The following ABCD3 variants were observed in gnomAD, a reference collection of about 807,000 sequenced individuals.
The protein encoded by ABCD3 is ATP-binding cassette sub-family D member 3.
In ABCD3, 41 loss-of-function variants were observed where a neutral mutation model predicts 105.5. That is an observed-to-expected ratio of 0.39 (90% CI 0.30 to 0.50). The LOEUF is 0.50. Among genes scored for constraint, ABCD3 ranks in the 20% least tolerant of loss-of-function variants. ABCD3 has a pLI of 0.84. For missense variants in ABCD3, 622 were observed against 806.3 expected (o/e 0.77, Z 2.77); for synonymous variants, 258 against 269.0 (o/e 0.96, Z 0.40).
chr1:94,428,445 T>TATA (rs1659552493), intron 1 of ABCD3, among the ~76,000 whole-genome samples: 1 of 152,228 alleles, frequency 6.6e-6, no homozygotes, highest in African/African-American at 2.4e-5. Flanking sequence ...ACATGTTATG[T>TATA]TTATAATGTA....
At chr1:94,448,265 C>T (rs1660434149) in intron 1 of ABCD3, among the ~76,000 whole-genome samples, 1 of 152,180 alleles carries the variant, frequency 6.6e-6, no homozygotes, top group Admixed American at 6.5e-5. Context: ...TGTTGTCTCT[C>T]TCATGAAGGC....
chr1:94,396,794 G>T, the ABCD3 span, among the ~76,000 whole-genome samples: 19 of 152,090 alleles, frequency 1.2e-4, no homozygotes, highest in African/African-American at 4.1e-4. Flanking sequence ...GGAATGAAAT[G>T]GTTCCCTGGC....
intron 20 of ABCD3, among the ~76,000 whole-genome samples, chr1:94,505,459 C>A (rs1650308496): frequency 6.6e-6 from 1 of 150,856 alleles, no homozygotes; most frequent in African/African-American, 2.4e-5. Flanking sequence ...GCAATGGCTC[C>A]TGCAACAACC....
intron 16 of ABCD3, among the ~76,000 whole-genome samples, chr1:94,492,098 A>T (rs1378469939): frequency 6.6e-6 from 1 of 152,134 alleles, no homozygotes; most frequent in Non-Finnish European, 1.5e-5. Context: ...TGCAAAACTG[A>T]ATTTAAAATT....
intron 1 of ABCD3, among the ~76,000 whole-genome samples, chr1:94,450,825 C>CT (rs1647218702): frequency 6.6e-6 from 1 of 152,140 alleles, no homozygotes; most frequent in Admixed American, 6.5e-5. Context: ...AAGTTATTCT[C>CT]TTTTTTCTTT....
chr1:94,455,217 T>C (rs1187772185), intron 1 of ABCD3, among the ~76,000 whole-genome samples: 1 of 152,224 alleles, frequency 6.6e-6, no homozygotes, highest in Non-Finnish European at 1.5e-5. Context: ...TGAATTGTTT[T>C]GCCATTAAAA....
At chr1:94,389,672 C>T in the ABCD3 span, among the ~76,000 whole-genome samples, 1 of 152,186 alleles carries the variant, frequency 6.6e-6, no homozygotes, top group East Asian at 1.9e-4. Flanking sequence ...CCTGATTTCC[C>T]ACTCCACATG....
chr1:94,478,619 G>A lies in ABCD3; in HGVS notation c.684+304G>A, dbSNP rs1051604112. 8.8e-6 allele frequency: 10 copies of A among 1,139,870 alleles called. No individual in the cohort carries two copies. The African/African-American group carries it at 9.3e-5, about 11-fold the overall frequency. The allele number at this position is 1,139,870 out of a possible 1,614,324, so 70.6% of individuals were successfully genotyped here. A position where few individuals can be genotyped will look rare whatever the true frequency, so the allele number is the denominator to read the frequency against. ...TAATCCCAGCACTTTGGGAGGCTGA[G>A]ATGGGAGGATCGCTTGAATCCAGGA... On this transcript the variant is annotated intron_variant, in intron 8 of 22. Transcript: ENST00000370214.
At chr1:94,390,086 A>G in the ABCD3 span, among the ~76,000 whole-genome samples, 4 of 152,244 alleles carry the variant, frequency 2.6e-5, no homozygotes, top group East Asian at 7.7e-4. Flanking sequence ...GAGCAAACTC[A>G]CCAGATCAAT....
intron 16 of ABCD3, among the ~76,000 whole-genome samples, chr1:94,494,091 T>C (rs1227507255): frequency 6.6e-6 from 1 of 152,036 alleles, no homozygotes; most frequent in Non-Finnish European, 1.5e-5. Flanking sequence ...ACTTAAAGTA[T>C]AATAATAATA....
chr1:94,484,123 T>C (rs1188564696), intron 10 of ABCD3, among the ~76,000 whole-genome samples: 1 of 152,186 alleles, frequency 6.6e-6, no homozygotes, highest in African/African-American at 2.4e-5. Flanking sequence ...TGGCGATCAT[T>C]GAAAAGTCAG....
intron 7 of ABCD3, 37 bp downstream of exon 7, chr1:94,475,774 A>AT (rs1420730945): frequency 6.5e-7 from 1 of 1,544,510 alleles, no homozygotes; most frequent in Admixed American, 1.7e-5. Flanking sequence ...TATTTGTTTA[A>AT]TTTTTTGAAT....
Position 94,458,604 on chromosome 1 carries a change from C to A in ABCD3, c.111-3C>A. ...GCTCTCTCTCTCTTTTTTTCCTCTG[C>A]AGTAAGAAAAGTGGAAAACCACCAT... On this transcript the variant is annotated splice_polypyrimidine_tract_variant and splice_region_variant and intron_variant, in intron 1 of 22. Transcript: ENST00000370214. 6.2e-7 allele frequency: 1 copy of A among 1,611,452 alleles called. No homozygotes were observed. The highest frequency in any genetic ancestry group is 8.5e-7 in the Non-Finnish European group (1 of 1,178,054).
At position 94,475,640 on chromosome 1, in the gene ABCD3, A is replaced by C; in HGVS notation, c.530A>C (p.Asn177Thr). ...LQAFTYYKMG[N>T]LDNRIANPDQ... ...GCTTTCACATATTATAAAATGGGGA[A>C]TCTGGACAACAGAATAGCTAATCCA... The change falls in exon 7 of 23, where the codon AAT (asparagine) becomes ACT (threonine). Residue 177 changes from asparagine to threonine, a missense_variant. Physicochemically the swap from Asn to Thr is moderately conservative, Grantham distance 65. Around this residue, in one of 4 missense-constraint regions of ABCD3, gnomAD observed 245 missense variants for 356.4 expected, o/e 0.69. Coordinates refer to ENST00000370214, the MANE Select transcript of ABCD3 (RefSeq NM_002858.4). 4 of 1,612,336 alleles carry C rather than the reference A, an allele frequency of 2.5e-6. No homozygotes were observed. The highest frequency in any genetic ancestry group is 1.1e-5 in the South Asian group (1 of 91,032).
chr1:94,514,508 A>G (rs978474860), intron 21 of ABCD3: 1 of 152,024 alleles, frequency 6.6e-6, no homozygotes, highest in East Asian at 1.9e-4. Flanking sequence ...AAATCCAGAA[A>G]GTGCTTAAAT....
chr1:94,470,062 C>G (rs1187851337), intron 4 of ABCD3, among the ~76,000 whole-genome samples: 2 of 152,052 alleles, frequency 1.3e-5, no homozygotes, highest in Non-Finnish European at 2.9e-5. Context: ...TAACCTGTTT[C>G]TGGATTTTTT....
intron 1 of ABCD3, among the ~76,000 whole-genome samples, chr1:94,426,249 T>C (rs1659465172): frequency 6.6e-6 from 1 of 152,120 alleles, no homozygotes; most frequent in South Asian, 2.1e-4. Flanking sequence ...TGACATGGTT[T>C]TAGGTTTCTG....
Position 94,464,849 on chromosome 1 carries a change from G to C in ABCD3, c.222G>C (p.Met74Ile). ...GGCTCATACAGATTCTGAAAATCAT[G>C]GTCCCTAGAACATTTTGTAAAGAGG... ...FSRLIQILKI[M>I]VPRTFCKETG... is the part of the protein sequence containing the mutation. Residue 74 changes from methionine to isoleucine, a missense_variant, in exon 3 of 23, where the codon ATG (methionine) becomes ATC (isoleucine). Around this residue, in one of 4 missense-constraint regions of ABCD3, gnomAD observed 245 missense variants for 356.4 expected, o/e 0.69. Coordinates refer to ENST00000370214, the MANE Select transcript of ABCD3 (RefSeq NM_002858.4). 1.9e-6 allele frequency: 3 copies of C among 1,613,510 alleles called. No homozygotes were observed. The highest frequency in any genetic ancestry group is 2.5e-6 in the Non-Finnish European group (3 of 1,179,766).
chr1:94,488,470 T>A (rs1649374814), intron 13 of ABCD3, among the ~76,000 whole-genome samples: 1 of 152,002 alleles, frequency 6.6e-6, no homozygotes, highest in Non-Finnish European at 1.5e-5. Context: ...AGTAGTAAAA[T>A]TATCTTTAGA....
Sources: allele counts gnomAD v4.1 joint callset (sites outside exome capture counted in the v4.1 genomes callset), GRCh38; gene constraint gnomAD v4.1.1; regional missense constraint gnomAD v4.1.1; transcripts MANE v1.5; gene names NCBI Gene and HGNC (gene_info 2026-07-23, HGNC 2026-07-21).